The following WDPCP variants were observed in gnomAD, a reference collection of about 807,000 sequenced individuals.
The protein encoded by WDPCP is WD repeat containing planar cell polarity effector.
In WDPCP, 71 loss-of-function variants were observed where a neutral mutation model predicts 93.1. The observed-to-expected ratio is 0.76, with a 90% CI of 0.63 to 0.93. The LOEUF (loss-of-function observed/expected upper bound fraction) is 0.93. WDPCP is among the 40% of genes least tolerant of loss of function. WDPCP has a pLI of 0.00. For synonymous variants in WDPCP, 315 were observed against 315.0 expected, an observed-to-expected ratio of 1.00 and a Z score of 0.00; for missense variants, 844 against 887.4, an observed-to-expected ratio of 0.95 and a Z score of 0.62.
intron 12 of WDPCP, among the ~76,000 whole-genome samples, chr2:63,337,679 T>C (rs1351596795): frequency 6.6e-6 from 1 of 152,238 alleles, no homozygotes. Flanking sequence ...TTATTGTCTT[T>C]TGGATACAAG....
At chr2:63,237,154 C>T (rs1346427629) in intron 14 of WDPCP, among the ~76,000 whole-genome samples, 1 of 151,726 alleles carries the variant, frequency 6.6e-6, no homozygotes, top group Non-Finnish European at 1.5e-5. Flanking sequence ...AAAATAACCC[C>T]ATTAAAAAGT....
chr2:63,723,225 A>G (rs1169874138), intron 2 of WDPCP, among the ~76,000 whole-genome samples: 4 of 150,074 alleles, frequency 2.7e-5, no homozygotes, highest in Non-Finnish European at 3.0e-5. Flanking sequence ...TCCCTCCACT[A>G]TTGTCCTATG....
At chr2:63,274,790 CTTCA>C (rs1218434518) in intron 13 of WDPCP, among the ~76,000 whole-genome samples, 2 of 152,010 alleles carry the variant, frequency 1.3e-5, no homozygotes, top group Non-Finnish European at 2.9e-5. Flanking sequence ...CGAGTTTTTT[CTTCA>C]TTAACAAGAT....
At chr2:63,589,071 C>T (rs1558855286), upstream of WDPCP, 22 of 1,614,130 alleles carry the variant, frequency 1.4e-5, no homozygotes, top group Non-Finnish European at 1.9e-5. Flanking sequence ...CGGGTTCCTG[C>T]CCACCTCTGG....
At chr2:63,723,155 C>G (rs376914973) in intron 2 of WDPCP, among the ~76,000 whole-genome samples, 13 of 151,610 alleles carry the variant, frequency 8.6e-5, no homozygotes, top group Non-Finnish European at 1.8e-4. Flanking sequence ...TGCGGAAGGC[C>G]GCAGGGTCCT....
intron 1 of WDPCP, among the ~76,000 whole-genome samples, chr2:63,567,143 G>A (rs1312876494): frequency 6.6e-6 from 1 of 152,156 alleles, no homozygotes; most frequent in Non-Finnish European, 1.5e-5. Context: ...TGGCGTTAAA[G>A]GTTTCATTAA....
intron 2 of WDPCP, among the ~76,000 whole-genome samples, chr2:63,725,911 T>G (rs1178655100): frequency 1.3e-5 from 2 of 152,044 alleles, no homozygotes; most frequent in African/African-American, 4.8e-5. Flanking sequence ...TTTGTTAATT[T>G]TTTAAGTTCC....
intron 2 of WDPCP, among the ~76,000 whole-genome samples, chr2:63,651,474 G>C (rs262486): frequency 0.8 from 121,857 of 151,610 alleles, 49,618 homozygotes; most frequent in East Asian, 0.98. Context: ...CACACACACA[G>C]AGAGACTTAT....
At chr2:63,535,240 T>C (rs1309245084) in intron 1 of WDPCP, among the ~76,000 whole-genome samples, 1 of 152,206 alleles carries the variant, frequency 6.6e-6, no homozygotes, top group African/African-American at 2.4e-5. Flanking sequence ...AAACATTCCA[T>C]GCTCATGGAT....
At chr2:63,216,116 A>C (rs1677313194) in intron 14 of WDPCP, among the ~76,000 whole-genome samples, 3 of 152,232 alleles carry the variant, frequency 2.0e-5, no homozygotes, top group Admixed American at 6.5e-5. Context: ...GTGGGACTGT[A>C]AACTAGTTCA....
intron 1 of WDPCP, among the ~76,000 whole-genome samples, chr2:63,576,578 T>C (rs1393386212): frequency 2.0e-5 from 3 of 152,204 alleles, no homozygotes; most frequent in Non-Finnish European, 4.4e-5. Context: ...TGGGGTTTTA[T>C]GGAGGTTTCT....
chr2:63,149,766 T>C (rs1671768919), intron 17 of WDPCP, among the ~76,000 whole-genome samples: 1 of 152,100 alleles, frequency 6.6e-6, no homozygotes, highest in African/African-American at 2.4e-5. Context: ...TATATAAAGT[T>C]CAGAAAGAAG....
chr2:63,168,970 T>C (rs1045978429), intron 15 of WDPCP: 2 of 152,240 alleles, frequency 1.3e-5, no homozygotes, highest in African/African-American at 2.4e-5. Context: ...CCTTTTATTA[T>C]GTGGCATATG....
intron 3 of WDPCP, chr2:63,599,154 C>T (rs1333280012): frequency 1.9e-6 from 3 of 1,611,888 alleles, no homozygotes; most frequent in Non-Finnish European, 1.7e-6. Context: ...TCTTCAGTGC[C>T]TTCCATTCCT....
intron 2 of WDPCP, among the ~76,000 whole-genome samples, chr2:63,801,409 G>A (rs1172524100): frequency 6.6e-6 from 1 of 152,168 alleles, no homozygotes; most frequent in Non-Finnish European, 1.5e-5. Context: ...GCTCTTAAAG[G>A]TGGTAGGGAG....
intron 12 of WDPCP, chr2:63,369,396 G>A: frequency 2.2e-6 from 1 of 456,590 alleles, no homozygotes; most frequent in Admixed American, 2.3e-5. Flanking sequence ...TCAGGAGTAT[G>A]GTGGGTCTGC....
At chr2:63,516,641 TTGGA>T (rs59822561) in intron 1 of WDPCP, among the ~76,000 whole-genome samples, 121,733 of 151,714 alleles carry the variant, frequency 0.8, 49,523 homozygotes, top group East Asian at 0.98. Flanking sequence ...ATGAGCCACC[TTGGA>T]TGGAAATCCA....
intron 14 of WDPCP, among the ~76,000 whole-genome samples, chr2:63,237,913 G>A (rs561102166): frequency 4.6e-5 from 7 of 150,916 alleles, no homozygotes; most frequent in East Asian, 1.9e-4. Context: ...AATAGAAGCC[G>A]AAACCTCAGC....
the WDPCP span, among the ~76,000 whole-genome samples, chr2:63,838,498 T>C: frequency 2.0e-5 from 3 of 152,204 alleles, no homozygotes; most frequent in Non-Finnish European, 4.4e-5. Context: ...TTCTTTCTAA[T>C]TCACAATCCA....
Sources: gnomAD v4.1 joint callset for allele counts (sites outside exome capture counted in the v4.1 genomes callset) on GRCh38, gnomAD v4.1.1 for gene constraint, MANE v1.5 for transcripts, NCBI Gene and HGNC (gene_info 2026-07-23, HGNC 2026-07-21) for gene names.